Variants in SOS1 observed in about 807,000 individuals in gnomAD.
SOS1 encodes SOS Ras/Rac guanine nucleotide exchange factor 1, also known as son of sevenless homolog 1.
Under a neutral mutation model 157.6 loss-of-function variants are expected in SOS1, and 25 were observed. The observed-to-expected ratio is 0.16, with a 90% CI of 0.12 to 0.22. SOS1 has a LOEUF of 0.22. Ranked by LOEUF, SOS1 falls within the 10% of genes least tolerant of loss-of-function variation. The probability of loss-of-function intolerance (pLI) is 1.00; values close to 1 mark genes in which losing one functional copy is unlikely to be tolerated. For missense variants in SOS1, 1,237 were observed against 1,599.1 expected (o/e 0.77, Z 3.86); for synonymous variants, 528 against 534.0 (o/e 0.99, Z 0.16).
intron 13 of SOS1, among the ~76,000 whole-genome samples, chr2:39,012,550 C>T (rs528187959): frequency 3.9e-5 from 6 of 152,082 alleles, no homozygotes; most frequent in African/African-American, 1.2e-4. Context: ...ATTTGGGTAA[C>T]CACTGTTAAT....
At chr2:39,054,217 G>A (rs930429404) in intron 5 of SOS1, among the ~76,000 whole-genome samples, 56 of 152,288 alleles carry the variant, frequency 3.7e-4, no homozygotes, top group South Asian at 4.2e-4. Context: ...GTGAGCCACC[G>A]TGCCCAGCAG....
chr2:39,110,033 TGTGTGC>T (rs1368512065), intron 1 of SOS1, among the ~76,000 whole-genome samples: 93 of 130,534 alleles, frequency 7.1e-4, no homozygotes, highest in African/African-American at 9.0e-4. Flanking sequence ...CAGTTGTGTG[TGTGTGC>T]GTGTGTGTGT....
At chr2:39,078,857 C>G (rs1242369224) in intron 1 of SOS1, among the ~76,000 whole-genome samples, 1 of 151,926 alleles carries the variant, frequency 6.6e-6, no homozygotes, top group Admixed American at 6.6e-5. Flanking sequence ...GTCAAGAGAT[C>G]GAGATCATCC....
intron 3 of SOS1, 58 bp from the exon 4 acceptor site, chr2:39,056,924 G>T: frequency 8.3e-7 from 1 of 1,202,758 alleles, no homozygotes. Context: ...TTAACACACT[G>T]ATTAAAAATA....
intron 10 of SOS1, among the ~76,000 whole-genome samples, chr2:39,017,462 C>CAGCT (rs1307166318): frequency 1.8e-4 from 28 of 152,136 alleles, no homozygotes; most frequent in African/African-American, 6.7e-4. Context: ...TAGGAATTAA[C>CAGCT]AGCTGTACCT....
chr2:39,042,354 A>G (rs1670600186), intron 6 of SOS1, among the ~76,000 whole-genome samples: 2 of 152,118 alleles, frequency 1.3e-5, no homozygotes, highest in Admixed American at 6.6e-5. Context: ...AACATAGTAT[A>G]TATTTCCATT....
intron 8 of SOS1, among the ~76,000 whole-genome samples, chr2:39,027,891 C>T (rs1178469013): frequency 6.7e-6 from 1 of 150,126 alleles, no homozygotes; most frequent in Non-Finnish European, 1.5e-5. Flanking sequence ...TGCAGTGGCA[C>T]AATCTTAGCT....
chr2:38,996,067 C>G (rs1162093658), intron 19 of SOS1, among the ~76,000 whole-genome samples: 1 of 151,828 alleles, frequency 6.6e-6, no homozygotes, highest in African/African-American at 2.4e-5. Context: ...TAGAAGCCAT[C>G]TATGTTTAAT....
intron 1 of SOS1, among the ~76,000 whole-genome samples, chr2:39,106,749 C>T (rs1030634486): frequency 1.3e-5 from 2 of 152,144 alleles, no homozygotes; most frequent in African/African-American, 2.4e-5. Flanking sequence ...CACTGGTTTG[C>T]GCCTTTCTGC....
intron 5 of SOS1, among the ~76,000 whole-genome samples, chr2:39,053,448 T>A (rs1209538225): frequency 2.0e-5 from 3 of 152,220 alleles, no homozygotes; most frequent in Non-Finnish European, 4.4e-5. Context: ...TCTTTACTTT[T>A]TTTAAAGCAA....
rs575046962 is a variant in SOS1, at chr2:39,089,061, G to A, written c.88-21308C>T. On this transcript the variant is annotated intron_variant, in intron 1 of 22. Coordinates refer to ENST00000402219, the MANE Select transcript of SOS1 (RefSeq NM_005633.4). Reference sequence around the variant, plus strand: ...TCACTGTGGTTTTCATTCCCATTTCGCTAATGATGAGTGTGCCTTTACAAA... The same window carrying A: ...TCACTGTGGTTTTCATTCCCATTTCACTAATGATGAGTGTGCCTTTACAAA... Among the ~76,000 whole-genome samples the A allele has an allele frequency of 7.2e-5, 11 of 152,088 alleles. No individual in the cohort carries two copies. In the South Asian group the frequency reaches 2.1e-3, roughly 29 times the overall value.
At chr2:39,003,712 C>A (rs369537426) in intron 17 of SOS1, among the ~76,000 whole-genome samples, 6 of 152,236 alleles carry the variant, frequency 3.9e-5, no homozygotes, top group Non-Finnish European at 5.9e-5. Flanking sequence ...CATCCCCCCC[C>A]ACTCAAACTT....
chr2:39,043,692 G>C (rs1333205185), intron 6 of SOS1, among the ~76,000 whole-genome samples: 3 of 152,156 alleles, frequency 2.0e-5, no homozygotes, highest in Admixed American at 2.0e-4. Flanking sequence ...GCGGTGCAGG[G>C]CATCACATGG....
intron 10 of SOS1, among the ~76,000 whole-genome samples, chr2:39,016,415 C>T (rs1177282875): frequency 1.3e-5 from 2 of 151,994 alleles, no homozygotes; most frequent in Non-Finnish European, 2.9e-5. Context: ...TACAGAGTTC[C>T]TCAAAAGTTA....
intron 1 of SOS1, among the ~76,000 whole-genome samples, chr2:39,116,328 AATC>A (rs1673649343): frequency 6.6e-6 from 1 of 152,192 alleles, no homozygotes; most frequent in South Asian, 2.1e-4. Flanking sequence ...CCATTCCCCC[AATC>A]ACTCAGTGAG....
chr2:39,006,309 A>G, intron 17 of SOS1, 103 bp downstream of exon 17: 1 of 775,732 alleles, frequency 1.3e-6, no homozygotes, highest in Non-Finnish European at 2.3e-6. Context: ...TCAAACAAGT[A>G]TTTTCTGCTG....
intron 1 of SOS1, among the ~76,000 whole-genome samples, chr2:39,096,251 T>A (rs531809406): frequency 4.7e-4 from 72 of 152,282 alleles, no homozygotes; most frequent in African/African-American, 1.6e-3. Flanking sequence ...CCCTTCCTCA[T>A]CATTCCCTCT....
intron 1 of SOS1, among the ~76,000 whole-genome samples, chr2:39,106,379 A>C (rs1315671497): frequency 6.6e-6 from 1 of 151,926 alleles, no homozygotes; most frequent in African/African-American, 2.4e-5. Flanking sequence ...TCACGAGGTC[A>C]GGAGATCGAG....
At chr2:39,095,407 A>C (rs189084837) in intron 1 of SOS1, among the ~76,000 whole-genome samples, 34 of 152,340 alleles carry the variant, frequency 2.2e-4, no homozygotes, top group Admixed American at 2.2e-3. Context: ...GCTAGGGGAA[A>C]AGTCTTAGTG....
Sources: allele counts gnomAD v4.1 joint callset (sites outside exome capture counted in the v4.1 genomes callset), GRCh38; gene constraint gnomAD v4.1.1; transcripts MANE v1.5; gene names NCBI Gene and HGNC (gene_info 2026-07-23, HGNC 2026-07-21).